The following DNAH5 variants were observed in gnomAD, a reference collection of about 807,000 sequenced individuals.
DNAH5 encodes the protein axonemal beta dynein heavy chain 5.
In DNAH5, 372 loss-of-function variants were observed where a neutral mutation model predicts 518.2. The ratio of observed to expected loss-of-function variants is 0.72; its 90% CI spans 0.66 to 0.78. The LOEUF (loss-of-function observed/expected upper bound fraction) is 0.78. DNAH5 is among the 30% of genes least tolerant of loss of function. The probability of loss-of-function intolerance (pLI) is 0.00; values close to 1 mark genes in which losing one functional copy is unlikely to be tolerated. For missense variants in DNAH5, 5,523 were observed against 5,687.0 expected, an observed-to-expected ratio of 0.97 and a Z score of 0.93; for synonymous variants, 2,039 against 2,025.9, an observed-to-expected ratio of 1.01 and a Z score of -0.17.
intron 72 of DNAH5, among the ~76,000 whole-genome samples, chr5:13,717,930 A>G (rs1744523963): frequency 6.6e-6 from 1 of 152,196 alleles, no homozygotes; most frequent in Non-Finnish European, 1.5e-5. Context: ...TTAAGATAGT[A>G]TATATAGAAG....
rs930131484 is a variant in DNAH5 at position 13,810,074 on chromosome 5, A to G, written c.7594T>C (p.Tyr2532His). The G allele has an allele frequency of 8.4e-6, 13 of 1,552,698 alleles. No homozygotes were observed. Among genetic ancestry groups the G allele is most frequent in the Non-Finnish European group, 1.1e-5 (13 of 1,148,468 alleles). The part of the protein sequence containing the change: ...AGPGDTAFDY[Y>H]VAPDGTWTHW... ...GTGTCCTCACCATCGGGCGCCACAT[A>G]GTAGTCGAAGGCGGTGTCCCCGGGC... Residue 2532 changes from tyrosine to histidine, a missense_variant, in exon 45 of 79, where the codon TAT (tyrosine) becomes CAT (histidine). This residue lies in a region of DNAH5 where 5,121 missense variants were observed against 5,223.3 expected (regional missense o/e 0.98). Coordinates refer to ENST00000265104, the MANE Select transcript of DNAH5 (RefSeq NM_001369.3).
intron 21 of DNAH5, among the ~76,000 whole-genome samples, chr5:13,882,189 G>C (rs1370242885): frequency 6.6e-6 from 1 of 151,752 alleles, no homozygotes; most frequent in East Asian, 1.9e-4. Flanking sequence ...ATCAAAAAAA[G>C]CCTACCACCA....
intron 24 of DNAH5, among the ~76,000 whole-genome samples, chr5:13,868,561 T>C (rs1769619354): frequency 6.6e-6 from 1 of 152,184 alleles, no homozygotes; most frequent in Admixed American, 6.6e-5. Flanking sequence ...AGGTTGGTTT[T>C]CATAAGAAAG....
intron 65 of DNAH5, among the ~76,000 whole-genome samples, chr5:13,742,897 T>C (rs985854893): frequency 6.6e-6 from 1 of 152,054 alleles, no homozygotes; most frequent in Non-Finnish European, 1.5e-5. Context: ...AGAAAGTTAT[T>C]GGCAAAAGAA....
chr5:13,720,417 A>T (rs1476746276), intron 71 of DNAH5, among the ~76,000 whole-genome samples: 1 of 152,154 alleles, frequency 6.6e-6, no homozygotes, highest in Non-Finnish European at 1.5e-5. Flanking sequence ...TTGGTTTTTG[A>T]GAAAGTGTCT....
In DNAH5 at chr5:13,865,719, G is replaced by T; in HGVS notation, c.4304C>A (p.Ser1435Ter). The change falls in exon 27 of 79, where the codon TCA (serine) becomes TAA (stop). Residue 1435 changes from serine (S) to a stop codon, truncating the protein, a stop_gained. Coordinates refer to ENST00000265104, the MANE Select transcript of DNAH5 (RefSeq NM_001369.3). LOFTEE classifies it high-confidence loss of function. ...GTTAATTTTTTCAATATTCACCTCT[G>T]ACCAAAGAATATCATAATAGCTATT... The part of the protein sequence containing the change: ...TVNSYYDILW[S>*]EVNIEKINNE... The T allele has an allele frequency of 6.2e-7, 1 of 1,605,266 alleles. No individual in the cohort carries two copies. Among genetic ancestry groups the T allele is most frequent in the South Asian group, 1.1e-5 (1 of 90,826 alleles).
At chr5:13,850,576 G>T in intron 31 of DNAH5, 76 bp downstream of exon 31, 2 of 1,295,060 alleles carry the variant, frequency 1.5e-6, no homozygotes, top group Non-Finnish European at 2.2e-6. Context: ...AAACAAATTT[G>T]GCTAATGCTA....
chr5:13,876,551 C>T (rs1770914145), intron 22 of DNAH5, 133 bp downstream of exon 22: 2 of 1,012,888 alleles, frequency 2.0e-6, no homozygotes, highest in Non-Finnish European at 1.5e-6. Context: ...ATTTGCTGAG[C>T]ACATACAAGA....
chr5:13,713,653 C>T (rs1579867803), intron 75 of DNAH5, among the ~76,000 whole-genome samples: 3 of 148,834 alleles, frequency 2.0e-5, no homozygotes, highest in East Asian at 4.0e-4. Flanking sequence ...GACGCAAAGG[C>T]ATAAGAATGA....
In DNAH5 at chr5:13,809,162, C is replaced by A. The variant is rs139348927; in HGVS notation, c.7634G>T (p.Arg2545Leu). 5 of 1,614,086 alleles carry A rather than the reference C, an allele frequency of 3.1e-6. No homozygotes were observed. The highest frequency in any genetic ancestry group is 4.2e-6 in the Non-Finnish European group (5 of 1,180,006). The change falls in exon 46 of 79, where the codon CGT becomes CTT. Residue 2545 changes from arginine (R) to leucine (L), a missense_variant. Physicochemically the swap from Arg to Leu is moderately radical, Grantham distance 102. Coordinates refer to ENST00000265104, the MANE Select transcript of DNAH5 (RefSeq NM_001369.3). ...PDGTWTHWNT[R>L]TQEYLYPSDT... ...AGACGGATACAGGTATTCCTGGGTA[C>A]GCGTGTTCCAGTGCGTCCATGTACC...
intron 42 of DNAH5, among the ~76,000 whole-genome samples, chr5:13,816,400 A>G (rs971652288): frequency 6.6e-6 from 1 of 152,162 alleles, no homozygotes; most frequent in Admixed American, 6.5e-5. Context: ...TTTCTTTGCT[A>G]TGCAACAACC....
chr5:14,009,394 G>A (rs1784960886), intron 1 of DNAH5, among the ~76,000 whole-genome samples: 1 of 152,176 alleles, frequency 6.6e-6, no homozygotes, highest in African/African-American at 2.4e-5. Context: ...ACAAACACAA[G>A]GGACCCTGCC....
chr5:13,719,632 G>T (rs1744770363), intron 71 of DNAH5, among the ~76,000 whole-genome samples: 1 of 152,306 alleles, frequency 6.6e-6, no homozygotes, highest in Non-Finnish European at 1.5e-5. Context: ...AATGAAAAAT[G>T]AGAAGTTGAT....
chr5:13,964,251 T>G (rs987756019), intron 1 of DNAH5, among the ~76,000 whole-genome samples: 7 of 152,080 alleles, frequency 4.6e-5, no homozygotes. Flanking sequence ...CCTAGAACAT[T>G]GCAAGGACTG....
intron 12 of DNAH5, among the ~76,000 whole-genome samples, chr5:13,908,577 C>T (rs1302493486): frequency 6.6e-6 from 1 of 152,210 alleles, no homozygotes; most frequent in African/African-American, 2.4e-5. Flanking sequence ...CTCGTCTTCA[C>T]ATTAGTTTTG....
chr5:13,941,664 C>T (rs1283863550), intron 1 of DNAH5, among the ~76,000 whole-genome samples: 1 of 152,214 alleles, frequency 6.6e-6, no homozygotes, highest in Non-Finnish European at 1.5e-5. Flanking sequence ...CAGAGCTTCT[C>T]GGCGGGAGAG....
At chr5:13,979,718 A>G (rs1027891435) in intron 1 of DNAH5, among the ~76,000 whole-genome samples, 11 of 152,180 alleles carry the variant, frequency 7.2e-5, no homozygotes. Context: ...GCTAAAGCCT[A>G]TTGATCTTCA....
intron 70 of DNAH5, among the ~76,000 whole-genome samples, chr5:13,725,637 C>T (rs1745619267): frequency 6.6e-6 from 1 of 152,172 alleles, no homozygotes; most frequent in African/African-American, 2.4e-5. Flanking sequence ...AACCTGCACA[C>T]CTGTGCCAAC....
rs78894269 is a variant in DNAH5 at position 13,801,194 on chromosome 5, C to T, written c.7887+6397G>A. 7.2e-5 allele frequency among the ~76,000 whole-genome samples: 11 copies of T among 152,082 alleles called. No individual in the cohort carries two copies. In the East Asian group the frequency reaches 9.7e-4, roughly 13 times the overall value. On this transcript the variant is annotated intron_variant, in intron 47 of 78. Coordinates refer to ENST00000265104, the MANE Select transcript of DNAH5 (RefSeq NM_001369.3). ...ACTGGATCATGGAGGTGGTTTCTAA[C>T]GGTTTAGCACTATCCCCCCAGTGCT...
Sources: gnomAD v4.1 joint callset for allele counts (sites outside exome capture counted in the v4.1 genomes callset) on GRCh38, gnomAD v4.1.1 for gene constraint, gnomAD v4.1.1 regional missense constraint, MANE v1.5 for transcripts, NCBI Gene and HGNC (gene_info 2026-07-23, HGNC 2026-07-21) for gene names.